PGAP1: variants seen among roughly 807,000 people sequenced by gnomAD.
PGAP1 encodes post-GPI attachment to proteins inositol deacylase 1.
In PGAP1, 76 loss-of-function variants were observed where a neutral mutation model predicts 127.0. That is an observed-to-expected ratio of 0.60 (90% CI 0.50 to 0.72). PGAP1 has a LOEUF of 0.72. Among genes scored for constraint, PGAP1 ranks in the 30% least tolerant of loss-of-function variants. The probability of loss-of-function intolerance (pLI) is 0.00; values close to 1 mark genes in which losing one functional copy is unlikely to be tolerated. For missense variants in PGAP1, 982 were observed against 1,071.3 expected (o/e 0.92, Z 1.16); for synonymous variants, 362 against 366.5 (o/e 0.99, Z 0.14).
chr2:196,856,957 T>C (rs2125786576), intron 20 of PGAP1, among the ~76,000 whole-genome samples: 1 of 152,324 alleles, frequency 6.6e-6, no homozygotes, highest in Non-Finnish European at 1.5e-5. Flanking sequence ...TGTGGAGATC[T>C]TTTGCCTCCC....
intron 26 of PGAP1, 144 bp from the exon 27 acceptor site, chr2:196,841,516 T>A: frequency 1.5e-6 from 1 of 676,376 alleles, no homozygotes; most frequent in Non-Finnish European, 2.4e-6. Context: ...TACCTATTCA[T>A]AATTTCTTTT....
intron 12 of PGAP1, among the ~76,000 whole-genome samples, chr2:196,881,549 A>G (rs1260917525): frequency 6.6e-6 from 1 of 152,126 alleles, no homozygotes; most frequent in Non-Finnish European, 1.5e-5. Flanking sequence ...TGACTTTTTA[A>G]TAATAGCCAT....
At position 196,926,667 on chromosome 2, in the gene PGAP1, C is replaced by T. The variant is rs1230355976; in HGVS notation, c.-51G>A. On this transcript the variant is annotated 5_prime_UTR_variant, in exon 1 of 27. Transcript: ENST00000354764. ...CCGCCGCCCCCTCTACCTCCTTCTC[C>T]GCCGCGGGGCCCCAAGCCCGGACTG... is the stretch of plus-strand genomic sequence containing the variant. The T allele has an allele frequency of 1.9e-6, 3 of 1,610,780 alleles. No homozygotes were observed. Among genetic ancestry groups the T allele is most frequent in the Admixed American group, 3.3e-5 (2 of 59,872 alleles).
intron 20 of PGAP1, among the ~76,000 whole-genome samples, chr2:196,854,179 G>A (rs1315722761): frequency 6.6e-6 from 1 of 151,968 alleles, no homozygotes; most frequent in Non-Finnish European, 1.5e-5. Flanking sequence ...GAACAGGCAT[G>A]AGCCACCACA....
chr2:196,895,334 C>T (rs1046926855), intron 7 of PGAP1, among the ~76,000 whole-genome samples: 5 of 152,240 alleles, frequency 3.3e-5, no homozygotes, highest in East Asian at 3.9e-4. Context: ...ACCTGTCTGA[C>T]GTATCCTGTT....
intron 5 of PGAP1, among the ~76,000 whole-genome samples, chr2:196,901,289 A>G (rs942074168): frequency 6.6e-6 from 1 of 152,230 alleles, no homozygotes; most frequent in Non-Finnish European, 1.5e-5. Context: ...CTACATCCCA[A>G]TTCCTCTAGT....
intron 20 of PGAP1, among the ~76,000 whole-genome samples, chr2:196,862,009 A>T (rs185154500): frequency 6.6e-6 from 1 of 151,844 alleles, no homozygotes; most frequent in East Asian, 1.9e-4. Context: ...GAACAATATG[A>T]AATCTGGGCA....
Position 196,916,423 on chromosome 2 carries a change from A to G in PGAP1, c.472T>C (p.Tyr158His), listed in dbSNP as rs775883892. Residue 158 changes from tyrosine (Y) to histidine (H), a missense_variant, in exon 3 of 27, where the codon TAT (tyrosine) becomes CAT (histidine). Transcript: ENST00000354764. ...TTTGCATACTTATCTCTCACCTTAT[A>G]GAGTTTGAGAATTGTTTTAATACAT... ...HECIKTILKL[Y>H]KGQEFAPKSV... 3 of 1,606,474 alleles carry G rather than the reference A, an allele frequency of 1.9e-6. No homozygotes were observed. Among genetic ancestry groups the G allele is most frequent in the Non-Finnish European group, 1.7e-6 (2 of 1,177,172 alleles).
intron 19 of PGAP1, among the ~76,000 whole-genome samples, chr2:196,865,573 A>T (rs1665930498): frequency 1.3e-5 from 2 of 152,180 alleles, no homozygotes; most frequent in Non-Finnish European, 2.9e-5. Context: ...TATGTACCTT[A>T]TAGGTAGTTA....
At chr2:196,919,946 T>C (rs943576087) in intron 2 of PGAP1, 51 bp downstream of exon 2, 2 of 1,553,382 alleles carry the variant, frequency 1.3e-6, no homozygotes, top group African/African-American at 2.8e-5. Flanking sequence ...ATGATTCAAA[T>C]TCTTGAGTTG....
chr2:196,844,114 A>G (rs755585253), intron 24 of PGAP1, 39 bp from the exon 25 acceptor site: 2 of 1,214,676 alleles, frequency 1.6e-6, no homozygotes, highest in Non-Finnish European at 2.2e-6. Context: ...GACACTAAAC[A>G]AAAGTATATT....
intron 20 of PGAP1, among the ~76,000 whole-genome samples, chr2:196,858,095 A>AT: frequency 6.6e-6 from 1 of 151,876 alleles, no homozygotes; most frequent in African/African-American, 2.4e-5. Flanking sequence ...ACTCTTTAAA[A>AT]TTTTTTTTAA....
chr2:196,922,990 C>T (rs1000698854), intron 1 of PGAP1, among the ~76,000 whole-genome samples: 1 of 151,900 alleles, frequency 6.6e-6, no homozygotes, highest in African/African-American at 2.4e-5. Context: ...TCATCCCGCC[C>T]TTACCTACCT....
chr2:196,883,333 T>G (rs914064431), intron 12 of PGAP1, among the ~76,000 whole-genome samples: 2 of 152,236 alleles, frequency 1.3e-5, no homozygotes, highest in Non-Finnish European at 2.9e-5. Context: ...GAACCATTAA[T>G]GAGTAGCCTT....
rs753200508 is a variant in PGAP1 at position 196,834,036 on chromosome 2, G to GAT, written c.*7196_*7197dup. 5 of 151,884 alleles carry GAT rather than the reference G, an allele frequency of 3.3e-5. No homozygotes were observed. In the East Asian group the frequency reaches 5.8e-4, roughly 18 times the overall value. 9.4% of individuals were successfully genotyped at this position (151,884 alleles called of 1,614,324 possible). A position where few individuals can be genotyped will look rare whatever the true frequency, so the allele number is the denominator to read the frequency against. On this transcript the variant is annotated 3_prime_UTR_variant, in exon 27 of 27. Coordinates refer to ENST00000354764, the MANE Select transcript of PGAP1 (RefSeq NM_024989.4). ...ATTATTGTGTAAATTAACCTTATTT[G>GAT]ATATATATAAGCCTCAATAAGTTCA...
rs1360965188 is a variant in PGAP1, at chr2:196,880,099, C to T, written c.1327G>A (p.Val443Ile). The T allele has an allele frequency of 1.3e-6, 2 of 1,599,460 alleles. No homozygotes were observed. The highest frequency in any genetic ancestry group is 8.5e-7 in the Non-Finnish European group (1 of 1,171,876). Reference protein sequence around the residue: ...YPSLSHLVVYVPSVRGSKFVV... With the variant: ...YPSLSHLVVYIPSVRGSKFVV... ...ACCTTACTTCCACGAACAGATGGTA[C>T]ATAAACAACAAGATGAGACAAAGAT... The change falls in exon 13 of 27, where the codon GTA (valine) becomes ATA (isoleucine). Residue 443 changes from valine to isoleucine, a missense_variant. By Grantham distance (29) the Val-to-Ile change is conservative. Coordinates refer to ENST00000354764, the MANE Select transcript of PGAP1 (RefSeq NM_024989.4).
chr2:196,885,709 A>G, intron 11 of PGAP1, 125 bp downstream of exon 11: 2 of 725,072 alleles, frequency 2.8e-6, no homozygotes, highest in Non-Finnish European at 4.1e-6. Context: ...TTTTCATTTT[A>G]AAAACAATAT....
intron 20 of PGAP1, among the ~76,000 whole-genome samples, chr2:196,860,677 T>C (rs893981677): frequency 6.6e-6 from 1 of 152,062 alleles, no homozygotes; most frequent in Non-Finnish European, 1.5e-5. Flanking sequence ...TGAGAGAAAC[T>C]GAAAAAGACA....
At chr2:196,841,741 T>C (rs1460565807) in intron 26 of PGAP1, among the ~76,000 whole-genome samples, 1 of 152,070 alleles carries the variant, frequency 6.6e-6, no homozygotes, top group African/African-American at 2.4e-5. Flanking sequence ...ATGGTCTCGA[T>C]CTCCTGACCT....
Sources: allele counts gnomAD v4.1 joint callset (sites outside exome capture counted in the v4.1 genomes callset), GRCh38; gene constraint gnomAD v4.1.1; transcripts MANE v1.5; gene names NCBI Gene and HGNC (gene_info 2026-07-23, HGNC 2026-07-21).